UST: variants seen among roughly 807,000 people sequenced by gnomAD.
UST encodes chondroitin sulfate 2-O-sulfotransferase.
A neutral mutation model predicts 45.6 loss-of-function variants in UST; 21 were observed. The ratio of observed to expected loss-of-function variants is 0.46; its 90% CI spans 0.33 to 0.66. The LOEUF is 0.66. Among genes scored for constraint, UST ranks in the 30% least tolerant of loss-of-function variants. The pLI is 0.02. For missense variants in UST, 463 were observed against 512.4 expected (o/e 0.90, Z 0.93); for synonymous variants, 215 against 200.6 (o/e 1.07, Z -0.61).
intron 1 of UST, among the ~76,000 whole-genome samples, chr6:148,804,410 C>T (rs1455408128): frequency 6.6e-6 from 1 of 152,158 alleles, no homozygotes; most frequent in African/African-American, 2.4e-5. Context: ...TCATGGGCCC[C>T]TCTTATTCCA....
chr6:148,901,913 A>G (rs12201978), intron 2 of UST, among the ~76,000 whole-genome samples: 18,994 of 152,160 alleles, frequency 0.12, 1,383 homozygotes, highest in Middle Eastern at 0.17. Flanking sequence ...GCAAGGCCCC[A>G]CTTAACTGAC....
intron 1 of UST, among the ~76,000 whole-genome samples, chr6:148,771,437 C>T (rs553999908): frequency 6.6e-6 from 1 of 152,322 alleles, no homozygotes; most frequent in East Asian, 1.9e-4. Context: ...CCACCCTGTT[C>T]TGCCACCTGC....
intron 1 of UST, among the ~76,000 whole-genome samples, chr6:148,804,814 GTAAATATATATA>G (rs56066411): frequency 0.068 from 10,131 of 149,236 alleles, 467 homozygotes; most frequent in Non-Finnish European, 0.11. Flanking sequence ...ATTTTTATAT[GTAAATATATATA>G]TAAATATATA....
intron 6 of UST, among the ~76,000 whole-genome samples, 180 bp downstream of exon 6, chr6:149,019,416 T>C (rs1775949232): frequency 6.6e-6 from 1 of 152,154 alleles, no homozygotes; most frequent in Admixed American, 6.5e-5. Flanking sequence ...CTATAAATAA[T>C]GAAATTTAAA....
At position 149,027,152 on chromosome 6, in the gene UST, G is replaced by A. The variant is rs193049408; in HGVS notation, c.937+5671G>A. 1.3e-4 allele frequency among the ~76,000 whole-genome samples: 19 copies of A among 151,980 alleles called. No individual in the cohort carries two copies. The East Asian group carries it at 2.3e-3, about 19-fold the overall frequency. ...TAGTGTGCTCACTGATTTCATTGAC[G>A]TTGCAGTTTTCAATTTTGAGGATAT... is the stretch of plus-strand genomic sequence containing the variant. On this transcript the variant is annotated intron_variant, in intron 7 of 7. Coordinates refer to ENST00000367463, the MANE Select transcript of UST (RefSeq NM_005715.3).
intron 7 of UST, among the ~76,000 whole-genome samples, chr6:149,030,374 G>A (rs1776121680): frequency 6.6e-6 from 1 of 151,924 alleles, no homozygotes; most frequent in South Asian, 2.1e-4. Flanking sequence ...GGGCACTGTG[G>A]CTTATACCTG....
intron 1 of UST, among the ~76,000 whole-genome samples, chr6:148,833,517 C>T (rs1314525232): frequency 6.6e-6 from 1 of 152,136 alleles, no homozygotes; most frequent in Non-Finnish European, 1.5e-5. Flanking sequence ...CGAACCCCAA[C>T]TGTGGAACCT....
At chr6:149,042,798 A>G (rs1776333533) in intron 7 of UST, among the ~76,000 whole-genome samples, 2 of 152,136 alleles carry the variant, frequency 1.3e-5, no homozygotes. Context: ...ATTTTTTCCT[A>G]AATGTGAGAT....
chr6:149,056,539 G>A (rs1776569078), intron 7 of UST, among the ~76,000 whole-genome samples: 1 of 152,134 alleles, frequency 6.6e-6, no homozygotes, highest in South Asian at 2.1e-4. Flanking sequence ...TATACAAATG[G>A]GAAGGTTGCA....
intron 1 of UST, among the ~76,000 whole-genome samples, chr6:148,871,110 T>TTCTATCCCTC (rs1778542664): frequency 5.0e-5 from 1 of 19,920 alleles, no homozygotes; most frequent in Non-Finnish European, 1.1e-4. Context: ...CAGCCAAGCA[T>TTCTATCCCTC]TCTCTCCCTC....
intron 1 of UST, 97 bp downstream of exon 1, chr6:148,747,774 C>T: frequency 4.3e-6 from 6 of 1,393,908 alleles, no homozygotes; most frequent in Non-Finnish European, 5.6e-6. Flanking sequence ...TGCCACCGCG[C>T]GCCGCCGCCG....
At chr6:148,877,013 GGTCATGTATGAGTGCGGGGA>G (rs377523868) in intron 1 of UST, among the ~76,000 whole-genome samples, 776 of 48,812 alleles carry the variant, frequency 0.016, 25 homozygotes, top group African/African-American at 0.045. Context: ...AGTTGGGGGG[GGTCATGTATGAGTGCGGGGA>G]TCATGTATGA....
chr6:148,911,641 G>T (rs1052034339), intron 2 of UST, among the ~76,000 whole-genome samples: 3 of 151,782 alleles, frequency 2.0e-5, no homozygotes, highest in Non-Finnish European at 4.4e-5. Context: ...AGGACAAATA[G>T]CTTTCCCAAA....
intron 7 of UST, among the ~76,000 whole-genome samples, chr6:149,070,568 C>T (rs1465219714): frequency 6.6e-6 from 1 of 152,118 alleles, no homozygotes; most frequent in Non-Finnish European, 1.5e-5. Context: ...AAAAGTAATA[C>T]CCTTATTCAA....
chr6:148,808,693 A>G (rs1480200131), intron 1 of UST, among the ~76,000 whole-genome samples: 1 of 152,124 alleles, frequency 6.6e-6, no homozygotes, highest in Non-Finnish European at 1.5e-5. Context: ...GTCTCCCCAA[A>G]TTCATATGTT....
At chr6:148,757,562 A>G (rs1467430698) in intron 1 of UST, among the ~76,000 whole-genome samples, 2 of 152,210 alleles carry the variant, frequency 1.3e-5, no homozygotes, top group Non-Finnish European at 2.9e-5. Flanking sequence ...CAATCCACCA[A>G]CCCATTTACA....
intron 5 of UST, among the ~76,000 whole-genome samples, chr6:148,976,377 T>G (rs1781017601): frequency 6.6e-6 from 1 of 152,200 alleles, no homozygotes; most frequent in African/African-American, 2.4e-5. Context: ...ACAGCAGAGT[T>G]AAGAGATGGG....
intron 5 of UST, among the ~76,000 whole-genome samples, chr6:148,966,083 G>T (rs1222673263): frequency 6.6e-6 from 1 of 151,782 alleles, no homozygotes; most frequent in Non-Finnish European, 1.5e-5. Context: ...AATTAGCCGA[G>T]CATGGTGGCG....
chr6:149,041,551 A>G (rs1332478384), intron 7 of UST, among the ~76,000 whole-genome samples: 1 of 152,204 alleles, frequency 6.6e-6, no homozygotes, highest in Admixed American at 6.5e-5. Context: ...CCTGCACACC[A>G]GGCCTTCAGT....
Sources: gnomAD v4.1 joint callset for allele counts (sites outside exome capture counted in the v4.1 genomes callset) on GRCh38, gnomAD v4.1.1 for gene constraint, MANE v1.5 for transcripts, NCBI Gene and HGNC (gene_info 2026-07-23, HGNC 2026-07-21) for gene names.